UNC13C: variants seen among roughly 807,000 people sequenced by gnomAD.
UNC13C encodes the protein protein unc-13 homolog C.
UNC13C carries 174 observed loss-of-function variants against 245.4 expected under a neutral mutation model. That is an observed-to-expected ratio of 0.71 (90% CI 0.63 to 0.80). UNC13C has a LOEUF of 0.80. UNC13C is among the 30% of genes least tolerant of loss of function. The pLI is 0.00. For synonymous variants in UNC13C, 992 were observed against 895.1 expected (o/e 1.11, Z -1.93); for missense variants, 2,829 against 2,602.9 (o/e 1.09, Z -1.89).
At chr15:54,340,922 T>G (rs372104252) in intron 17 of UNC13C, among the ~76,000 whole-genome samples, 120 of 152,236 alleles carry the variant, frequency 7.9e-4, no homozygotes, top group African/African-American at 2.7e-3. Context: ...CCATAAACAT[T>G]CAGAATGGCT....
In UNC13C at chr15:54,622,439, A is replaced by T. The variant is rs1900855058; in HGVS notation, c.6199+20A>T. 1.3e-6 allele frequency: 2 copies of T among 1,563,164 alleles called. No individual in the cohort carries two copies. The highest frequency in any genetic ancestry group is 4.5e-5 in the East Asian group (2 of 44,618). On this transcript the variant is annotated intron_variant, in intron 31 of 32. Transcript: ENST00000260323. ...TAAAAGGTATACTTCTGGTCTAGAT[A>T]AATCAAAACAGCCTTCTAAACTTCT...
At chr15:54,076,353 G>T (rs533152869) in intron 2 of UNC13C, among the ~76,000 whole-genome samples, 95 of 145,486 alleles carry the variant, frequency 6.5e-4, no homozygotes, top group Middle Eastern at 3.7e-3. Context: ...GTGAGAATAT[G>T]CGGTGTTTGG....
intron 2 of UNC13C, chr15:54,048,534 G>A: frequency 1.9e-6 from 1 of 535,562 alleles, no homozygotes; most frequent in Non-Finnish European, 3.6e-6. Context: ...GCCATTTTTT[G>A]ACTCTTTAAA....
At chr15:54,186,354 C>G (rs376844680) in intron 4 of UNC13C, among the ~76,000 whole-genome samples, 2 of 152,036 alleles carry the variant, frequency 1.3e-5, no homozygotes, top group East Asian at 3.9e-4. Context: ...TGCCAGTTTT[C>G]AAAGGGAATG....
chr15:53,881,741 C>T, the UNC13C span, among the ~76,000 whole-genome samples: 5 of 152,170 alleles, frequency 3.3e-5, no homozygotes, highest in South Asian at 4.1e-4. Context: ...TTCATTCATT[C>T]GTTAGAGGGC....
rs921550162 is a variant in UNC13C, at chr15:54,567,841, C to T, written c.6000C>T (p.Phe2000=). The change falls in exon 30 of 33, where the codon TTC becomes TTT. Residue 2000 remains phenylalanine, a synonymous_variant. Transcript: ENST00000260323. ...GAGGAAATGGCCTGAAAAAGAATTT[C>T]TTGGAGAAAAGCCCAGATCTTCAGT... The part of the protein sequence containing the change: ...HAGGNGLKKN[F]LEKSPDLQSL... 1.2e-6 allele frequency: 2 copies of T among 1,604,700 alleles called. No individual in the cohort carries two copies. The highest frequency in any genetic ancestry group is 2.7e-5 in the African/African-American group (2 of 74,838).
At chr15:54,079,194 T>C (rs1489795439) in intron 2 of UNC13C, among the ~76,000 whole-genome samples, 1 of 152,156 alleles carries the variant, frequency 6.6e-6, no homozygotes, top group African/African-American at 2.4e-5. Context: ...ACTTGTACGA[T>C]GTTCCTTTGG....
chr15:54,010,510 G>A (rs771618853), intron 1 of UNC13C, among the ~76,000 whole-genome samples: 2 of 152,156 alleles, frequency 1.3e-5, no homozygotes, highest in Non-Finnish European at 2.9e-5. Context: ...ATCGGAGGAA[G>A]AAGGAACAGC....
intron 2 of UNC13C, among the ~76,000 whole-genome samples, chr15:54,043,084 T>A (rs1414944811): frequency 6.6e-6 from 1 of 152,158 alleles, no homozygotes; most frequent in Non-Finnish European, 1.5e-5. Flanking sequence ...AGGACTCTAC[T>A]AAAATAAGCT....
the UNC13C span, among the ~76,000 whole-genome samples, chr15:53,924,529 G>A: frequency 6.6e-6 from 1 of 152,158 alleles, no homozygotes; most frequent in African/African-American, 2.4e-5. Flanking sequence ...AGGAAATAGT[G>A]AGAGGGTGCA....
At chr15:54,609,509 A>G (rs1019919124) in intron 30 of UNC13C, 28 of 152,032 alleles carry the variant, frequency 1.8e-4, no homozygotes, top group Admixed American at 1.8e-3. Flanking sequence ...TGTCATCTAT[A>G]TTTTCCTGCT....
chr15:54,366,865 C>T (rs1289441504), intron 17 of UNC13C, among the ~76,000 whole-genome samples: 1 of 152,032 alleles, frequency 6.6e-6, no homozygotes, highest in African/African-American at 2.4e-5. Context: ...TACACTCAGT[C>T]CTCTGGTGGC....
chr15:53,852,993 G>A, the UNC13C span, among the ~76,000 whole-genome samples: 1 of 151,776 alleles, frequency 6.6e-6, no homozygotes, highest in Non-Finnish European at 1.5e-5. Context: ...ACCCACTTAA[G>A]GAAATATCTT....
chr15:54,252,967 T>C (rs1321773379), intron 8 of UNC13C, among the ~76,000 whole-genome samples: 1 of 152,196 alleles, frequency 6.6e-6, no homozygotes, highest in African/African-American at 2.4e-5. Flanking sequence ...TTACTTCTGG[T>C]GAAAATATTT....
At chr15:54,189,282 A>G (rs2034100361) in intron 4 of UNC13C, among the ~76,000 whole-genome samples, 1 of 152,194 alleles carries the variant, frequency 6.6e-6, no homozygotes, top group Non-Finnish European at 1.5e-5. Context: ...GGAGAAATGA[A>G]TTGGAGGATA....
chr15:54,059,008 C>T (rs1000205861), intron 2 of UNC13C, among the ~76,000 whole-genome samples: 13 of 152,170 alleles, frequency 8.5e-5, no homozygotes, highest in Non-Finnish European at 1.6e-4. Flanking sequence ...CAATATCATA[C>T]TGAATGGACA....
At chr15:54,175,438 C>T (rs564259227) in intron 4 of UNC13C, among the ~76,000 whole-genome samples, 1 of 151,688 alleles carries the variant, frequency 6.6e-6, no homozygotes, top group Admixed American at 6.6e-5. Context: ...TCCCTGGTAC[C>T]AAATGAATCC....
At chr15:54,594,547 T>C (rs1439406602) in intron 30 of UNC13C, among the ~76,000 whole-genome samples, 1 of 151,940 alleles carries the variant, frequency 6.6e-6, no homozygotes, top group African/African-American at 2.4e-5. Flanking sequence ...TCACTGAAGT[T>C]GTATACCTAG....
At chr15:53,863,572 T>C in the UNC13C span, among the ~76,000 whole-genome samples, 1 of 152,208 alleles carries the variant, frequency 6.6e-6, no homozygotes, top group Non-Finnish European at 1.5e-5. Flanking sequence ...AGTGGAATCC[T>C]CAAGTGTCAA....
Sources: gnomAD v4.1 joint callset for allele counts (sites outside exome capture counted in the v4.1 genomes callset) on GRCh38, gnomAD v4.1.1 for gene constraint, MANE v1.5 for transcripts, NCBI Gene and HGNC (gene_info 2026-07-23, HGNC 2026-07-21) for gene names.